The following TAS2R1 variants were observed in gnomAD, a reference collection of about 807,000 sequenced individuals.
TAS2R1 encodes the protein taste receptor type 2 member 1.
For missense variants in TAS2R1, 370 were observed against 353.4 expected (o/e 1.05, Z -0.38); for synonymous variants, 141 against 134.2 (o/e 1.05, Z -0.35).
intron 1 of TAS2R1, among the ~76,000 whole-genome samples, chr5:9,678,957 T>C (rs1740939867): frequency 6.6e-6 from 1 of 152,070 alleles, no homozygotes; most frequent in Non-Finnish European, 1.5e-5. Flanking sequence ...TGGAAAAAAA[T>C]GGTGTCTTTT....
chr5:9,772,643 G>A, the TAS2R1 span, among the ~76,000 whole-genome samples: 2 of 152,008 alleles, frequency 1.3e-5, no homozygotes, highest in African/African-American at 2.4e-5. Flanking sequence ...TCTCTCTTTA[G>A]TTCTAATAAT....
At chr5:9,792,001 T>G in the TAS2R1 span, among the ~76,000 whole-genome samples, 1 of 152,216 alleles carries the variant, frequency 6.6e-6, no homozygotes, top group East Asian at 1.9e-4. Context: ...GGATAGAGTT[T>G]AGTGCCACCA....
chr5:9,687,571 C>T (rs1442260963), intron 1 of TAS2R1, among the ~76,000 whole-genome samples: 1 of 152,048 alleles, frequency 6.6e-6, no homozygotes, highest in Non-Finnish European at 1.5e-5. Context: ...CCCTTTCTGC[C>T]TGTAGTCCAG....
chr5:9,857,896 G>C, the TAS2R1 span, among the ~76,000 whole-genome samples: 117 of 152,320 alleles, frequency 7.7e-4, 1 homozygote, highest in African/African-American at 2.7e-3. Flanking sequence ...TCCTCCAGCA[G>C]GCTGGCCTGT....
the TAS2R1 span, among the ~76,000 whole-genome samples, chr5:9,793,379 C>CA: frequency 2.1e-4 from 32 of 152,244 alleles, no homozygotes; most frequent in African/African-American, 7.7e-4. Context: ...GGATAATGAG[C>CA]AAAAGGTAGT....
At chr5:9,858,517 T>G in the TAS2R1 span, among the ~76,000 whole-genome samples, 2 of 152,070 alleles carry the variant, frequency 1.3e-5, no homozygotes, top group Non-Finnish European at 2.9e-5. Context: ...ACACATTGAG[T>G]AAAAGGAGTC....
chr5:9,868,344 C>T, the TAS2R1 span, among the ~76,000 whole-genome samples: 7 of 152,274 alleles, frequency 4.6e-5, no homozygotes, highest in South Asian at 4.2e-4. Context: ...ATCTAGGTTC[C>T]GAATCCTCAA....
chr5:9,874,668 C>T, the TAS2R1 span, among the ~76,000 whole-genome samples: 1 of 152,162 alleles, frequency 6.6e-6, no homozygotes, highest in Non-Finnish European at 1.5e-5. Context: ...AGGTGTGAAT[C>T]CCCGCGCTAC....
upstream of TAS2R1, among the ~76,000 whole-genome samples, chr5:9,715,505 G>A (rs963011006): frequency 2.0e-5 from 3 of 152,222 alleles, no homozygotes; most frequent in Non-Finnish European, 4.4e-5. Context: ...AGGCTTCTGC[G>A]GGGCCACTAG....
the TAS2R1 span, among the ~76,000 whole-genome samples, chr5:9,884,496 T>G: frequency 5.5e-5 from 7 of 126,180 alleles, no homozygotes; most frequent in South Asian, 2.5e-4. Flanking sequence ...AAAAAAAAAG[T>G]CCCCACCTCT....
the TAS2R1 span, among the ~76,000 whole-genome samples, chr5:9,723,250 C>G: frequency 1.2e-4 from 19 of 152,290 alleles, no homozygotes; most frequent in African/African-American, 4.3e-4. Context: ...TGTTCTCTGT[C>G]AAAATGCAGC....
At chr5:9,650,325 G>A (rs1355736800) in intron 2 of TAS2R1, among the ~76,000 whole-genome samples, 1 of 151,776 alleles carries the variant, frequency 6.6e-6, no homozygotes, top group African/African-American at 2.4e-5. Flanking sequence ...ATTTGCCCCT[G>A]AATGCTGGGG....
At chr5:9,864,061 C>T in the TAS2R1 span, among the ~76,000 whole-genome samples, 1 of 152,218 alleles carries the variant, frequency 6.6e-6, no homozygotes, top group Non-Finnish European at 1.5e-5. Context: ...TAACTGAATA[C>T]AAGTAGGCCA....
At chr5:9,777,481 T>G in the TAS2R1 span, among the ~76,000 whole-genome samples, 1 of 152,240 alleles carries the variant, frequency 6.6e-6, no homozygotes, top group South Asian at 2.1e-4. Flanking sequence ...CACTTCGAAT[T>G]CCAGTTCTCC....
the TAS2R1 span, among the ~76,000 whole-genome samples, chr5:9,804,865 C>G: frequency 2.0e-5 from 3 of 151,618 alleles, no homozygotes; most frequent in Admixed American, 6.6e-5. Context: ...AAACCCAAGC[C>G]CAGGAGAAGA....
the TAS2R1 span, among the ~76,000 whole-genome samples, chr5:9,842,314 CTCTT>C: frequency 2.3e-5 from 3 of 127,670 alleles, no homozygotes; most frequent in East Asian, 2.3e-4. Flanking sequence ...CTTTCTTTCT[CTCTT>C]TTTTTTTTTT....
At chr5:9,737,844 C>A in the TAS2R1 span, among the ~76,000 whole-genome samples, 2 of 152,188 alleles carry the variant, frequency 1.3e-5, no homozygotes, top group South Asian at 4.1e-4. Context: ...CAGCAAAAAG[C>A]CTCCAAAACC....
At chr5:9,820,674 A>G in the TAS2R1 span, among the ~76,000 whole-genome samples, 1 of 152,230 alleles carries the variant, frequency 6.6e-6, no homozygotes, top group African/African-American at 2.4e-5. Context: ...CACAGGCAGC[A>G]CAAAGAGCTT....
chr5:9,667,604 A>G (rs1376463615), intron 1 of TAS2R1, among the ~76,000 whole-genome samples: 1 of 152,186 alleles, frequency 6.6e-6, no homozygotes, highest in East Asian at 1.9e-4. Flanking sequence ...CCCGAGGGAG[A>G]CACATGGAGC....
Sources: gnomAD v4.1 joint callset for allele counts (sites outside exome capture counted in the v4.1 genomes callset) on GRCh38, gnomAD v4.1.1 for gene constraint, MANE v1.5 for transcripts, NCBI Gene and HGNC (gene_info 2026-07-23, HGNC 2026-07-21) for gene names.